The following ROBO1 variants were observed in gnomAD, a reference collection of about 807,000 sequenced individuals.
ROBO1 encodes the protein roundabout homolog 1.
ROBO1 carries 149 observed loss-of-function variants against 195.9 expected under a neutral mutation model. The ratio of observed to expected loss-of-function variants is 0.76; its 90% CI spans 0.67 to 0.87. ROBO1 has a LOEUF of 0.87. Ranked by LOEUF, ROBO1 falls within the 40% of genes least tolerant of loss-of-function variation. The pLI is 0.00. For synonymous variants in ROBO1, 816 were observed against 733.2 expected, an observed-to-expected ratio of 1.11 and a Z score of -1.82; for missense variants, 1,933 against 2,068.3, an observed-to-expected ratio of 0.93 and a Z score of 1.27.
intron 2 of ROBO1, among the ~76,000 whole-genome samples, chr3:79,504,797 TA>T (rs1940300096): frequency 6.6e-6 from 1 of 152,158 alleles, no homozygotes; most frequent in Non-Finnish European, 1.5e-5. Context: ...ATTTTACCAG[TA>T]ATACATAATG....
chr3:78,661,949 G>A (rs760666450), intron 15 of ROBO1, 44 bp downstream of exon 15: 56 of 1,586,674 alleles, frequency 3.5e-5, no homozygotes, highest in Non-Finnish European at 4.4e-5. Flanking sequence ...CAATGATCTC[G>A]CAGACGCTTA....
intron 2 of ROBO1, among the ~76,000 whole-genome samples, chr3:79,393,895 G>A (rs189362390): frequency 5.3e-5 from 8 of 152,206 alleles, no homozygotes; most frequent in African/African-American, 1.4e-4. Flanking sequence ...CTGTGAAGAC[G>A]GGGCCAGGCT....
chr3:79,551,696 T>A (rs1478220242), intron 2 of ROBO1, among the ~76,000 whole-genome samples: 2 of 151,924 alleles, frequency 1.3e-5, no homozygotes, highest in African/African-American at 4.8e-5. Context: ...GCACAGCAAG[T>A]TCCTAGTGAC....
chr3:78,959,327 C>T (rs898729796), intron 3 of ROBO1, among the ~76,000 whole-genome samples: 2 of 152,064 alleles, frequency 1.3e-5, no homozygotes, highest in South Asian at 2.1e-4. Context: ...ATTTGATAAA[C>T]TAGTTTTATT....
At chr3:79,214,239 T>G (rs2082015290) in intron 2 of ROBO1, among the ~76,000 whole-genome samples, 1 of 152,088 alleles carries the variant, frequency 6.6e-6, no homozygotes, top group African/African-American at 2.4e-5. Flanking sequence ...TAATAAACAA[T>G]AAACTACAGT....
chr3:78,970,651 GA>G (rs2076743482), intron 3 of ROBO1, among the ~76,000 whole-genome samples: 1 of 151,992 alleles, frequency 6.6e-6, no homozygotes, highest in Non-Finnish European at 1.5e-5. Flanking sequence ...CATAATAGTA[GA>G]ATAATTAACT....
At chr3:79,300,782 C>G (rs1167231144) in intron 2 of ROBO1, among the ~76,000 whole-genome samples, 1 of 152,180 alleles carries the variant, frequency 6.6e-6, no homozygotes, top group Non-Finnish European at 1.5e-5. Context: ...ACACACCAAT[C>G]AGCACCCTGT....
intron 2 of ROBO1, among the ~76,000 whole-genome samples, chr3:79,501,158 TTATC>T (rs1333952016): frequency 6.6e-6 from 1 of 152,320 alleles, no homozygotes; most frequent in Non-Finnish European, 1.5e-5. Context: ...ACTCATTTGT[TTATC>T]TATTGACTAT....
intron 3 of ROBO1, among the ~76,000 whole-genome samples, chr3:79,074,081 A>G (rs1312240804): frequency 6.6e-6 from 1 of 151,814 alleles, no homozygotes; most frequent in Non-Finnish European, 1.5e-5. Flanking sequence ...AATTGATTGT[A>G]TTATTTTTTA....
In ROBO1 at chr3:78,871,742, CAAAAA is replaced by C. The variant is rs71127366; in HGVS notation, c.499+66854_499+66858del. Among the ~76,000 whole-genome samples, 979 of 111,388 alleles carry C rather than the reference CAAAAA, an allele frequency of 8.8e-3. 18 individuals carry two copies. Among genetic ancestry groups the C allele is most frequent in the African/African-American group, 0.03 (901 of 29,728 alleles). The allele number at this position is 111,388 out of a possible 152,430, so 73.1% of individuals were successfully genotyped here. ...TATTTGCATTTATAAGCTTTCACAGCAAAAAAAAAAAAAAAAAAAGAATTTGTAAA... is the reference window on the plus strand; with the variant it reads ...TATTTGCATTTATAAGCTTTCACAGCAAAAAAAAAAAAAAGAATTTGTAAA... On this transcript the variant is annotated intron_variant, in intron 4 of 30. Transcript: ENST00000464233.
intron 2 of ROBO1, among the ~76,000 whole-genome samples, chr3:79,410,275 AG>A (rs1369285390): frequency 1.3e-5 from 2 of 152,204 alleles, no homozygotes; most frequent in Non-Finnish European, 2.9e-5. Flanking sequence ...ACAAGCAAAA[AG>A]TTATAATAAA....
intron 3 of ROBO1, among the ~76,000 whole-genome samples, chr3:79,043,822 T>A (rs2078534515): frequency 6.6e-6 from 1 of 152,116 alleles, no homozygotes; most frequent in African/African-American, 2.4e-5. Flanking sequence ...AAGGTAATAT[T>A]TTCAGGGCAA....
At chr3:79,157,332 C>G (rs556577435) in intron 2 of ROBO1, among the ~76,000 whole-genome samples, 43 of 151,996 alleles carry the variant, frequency 2.8e-4, no homozygotes, top group Non-Finnish European at 5.9e-4. Context: ...GCAATGGGAA[C>G]TGAAGCAGAG....
intron 3 of ROBO1, among the ~76,000 whole-genome samples, chr3:79,073,275 A>T (rs1188882589): frequency 6.6e-6 from 1 of 152,018 alleles, no homozygotes; most frequent in African/African-American, 2.4e-5. Flanking sequence ...AATGCATAAG[A>T]TATTAGAAAA....
chr3:79,082,969 C>G (rs1014128218), intron 3 of ROBO1, among the ~76,000 whole-genome samples: 1 of 152,100 alleles, frequency 6.6e-6, no homozygotes, highest in Admixed American at 6.6e-5. Flanking sequence ...TCTAATGAGG[C>G]CTTTAGGAAC....
At chr3:79,303,478 T>C (rs1005944639) in intron 2 of ROBO1, among the ~76,000 whole-genome samples, 2 of 152,160 alleles carry the variant, frequency 1.3e-5, no homozygotes, top group Non-Finnish European at 2.9e-5. Flanking sequence ...GTTATCATTT[T>C]TGTGGTGAGA....
chr3:79,098,951 G>A (rs908282559), intron 3 of ROBO1, among the ~76,000 whole-genome samples: 1 of 151,526 alleles, frequency 6.6e-6, no homozygotes, highest in African/African-American at 2.4e-5. Context: ...TTGATAATGG[G>A]TGATCAATGT....
intron 2 of ROBO1, among the ~76,000 whole-genome samples, chr3:79,378,078 T>C (rs1014903655): frequency 1.3e-5 from 2 of 152,108 alleles, no homozygotes; most frequent in African/African-American, 2.4e-5. Context: ...TCAATATTTT[T>C]ATTACAGAGA....
intron 4 of ROBO1, among the ~76,000 whole-genome samples, chr3:78,911,909 C>T (rs2038266973): frequency 6.6e-6 from 1 of 152,046 alleles, no homozygotes; most frequent in African/African-American, 2.4e-5. Context: ...GATTCCAATA[C>T]ATGTCCAGTG....
Sources: allele counts gnomAD v4.1 joint callset (sites outside exome capture counted in the v4.1 genomes callset), GRCh38; gene constraint gnomAD v4.1.1; transcripts MANE v1.5; gene names NCBI Gene and HGNC (gene_info 2026-07-23, HGNC 2026-07-21).